The following BFSP2 variants were observed in gnomAD, a reference collection of about 807,000 sequenced individuals.
The protein encoded by BFSP2 is beaded filament structural protein 2.
A neutral mutation model predicts 44.9 loss-of-function variants in BFSP2; 38 were observed. The ratio of observed to expected loss-of-function variants is 0.85; its 90% confidence interval spans 0.65 to 1.11. The LOEUF (loss-of-function observed/expected upper bound fraction) is 1.11. Ranked by LOEUF, BFSP2 falls within the 50% of genes least tolerant of loss-of-function variation. The probability of loss-of-function intolerance (pLI) is 0.00; values close to 1 mark genes in which losing one functional copy is unlikely to be tolerated. For missense variants in BFSP2, 525 were observed against 533.0 expected (o/e 0.99, Z 0.15); for synonymous variants, 197 against 209.9 (o/e 0.94, Z 0.53).
intron 1 of BFSP2, among the ~76,000 whole-genome samples, chr3:133,406,899 A>T (rs2073409552): frequency 6.6e-6 from 1 of 152,234 alleles, no homozygotes; most frequent in African/African-American, 2.4e-5. Context: ...GTAGCACGTT[A>T]TAAAATAACA....
rs965473590 is a variant in BFSP2, at chr3:133,473,945, C to A, written c.1245-1024C>A. Among the ~76,000 whole-genome samples, 8 of 152,174 alleles carry A rather than the reference C, an allele frequency of 5.3e-5. No homozygotes were observed. In the East Asian group the frequency reaches 1.5e-3, roughly 29 times the overall value. ...CTTATATCTCATTGGCCAGAACCTG[C>A]TTATACTGGCCATACCCATCTGCAA... is the stretch of plus-strand genomic sequence containing the variant. On this transcript the variant is annotated intron_variant, in intron 6 of 6. Coordinates refer to ENST00000302334, the MANE Select transcript of BFSP2 (RefSeq NM_003571.4).
rs369100835 is a variant in BFSP2, at chr3:133,417,817, C to T, written c.489+17245C>T. 4.1e-5 allele frequency among the ~76,000 whole-genome samples: 6 copies of T among 145,430 alleles called. No individual in the cohort carries two copies. In the East Asian group the frequency reaches 1.1e-3, roughly 26 times the overall value. ...GACCCTATCCTCTCCATTTTACTCA[C>T]CCCTGCCCTCTCCTCTCTACTCACC... On this transcript the variant is annotated intron_variant, in intron 1 of 6. Transcript: ENST00000302334.
intron 5 of BFSP2, among the ~76,000 whole-genome samples, chr3:133,471,541 T>C (rs2074161693): frequency 1.3e-5 from 2 of 152,154 alleles, no homozygotes; most frequent in African/African-American, 2.4e-5. Context: ...TCTGAGTATA[T>C]GTTTCCAGTA....
At chr3:133,467,618 A>T (rs868166246) in intron 5 of BFSP2, among the ~76,000 whole-genome samples, 2 of 152,022 alleles carry the variant, frequency 1.3e-5, no homozygotes, top group African/African-American at 4.8e-5. Flanking sequence ...TTCATTATTA[A>T]TTATTTATTA....
At chr3:133,458,995 C>T (rs1005410307) in intron 4 of BFSP2, among the ~76,000 whole-genome samples, 13 of 152,174 alleles carry the variant, frequency 8.5e-5, no homozygotes, top group African/African-American at 2.9e-4. Context: ...CCTGACTGTG[C>T]TGATCTCAAA....
chr3:133,470,476 G>C (rs2074152103), intron 5 of BFSP2, among the ~76,000 whole-genome samples: 1 of 152,202 alleles, frequency 6.6e-6, no homozygotes, highest in Non-Finnish European at 1.5e-5. Context: ...AAAGCCAGAT[G>C]CTAAAGTATA....
At chr3:133,469,599 G>T (rs1335316082) in intron 5 of BFSP2, among the ~76,000 whole-genome samples, 3 of 152,226 alleles carry the variant, frequency 2.0e-5, no homozygotes, top group Admixed American at 6.5e-5. Flanking sequence ...GAGACCTGCA[G>T]AATAAGTGTG....
chr3:133,426,837 C>A (rs1338706130), intron 1 of BFSP2, among the ~76,000 whole-genome samples: 1 of 152,200 alleles, frequency 6.6e-6, no homozygotes, highest in East Asian at 1.9e-4. Context: ...TGGGCATGTG[C>A]CTCCAGCAAG....
intron 2 of BFSP2, among the ~76,000 whole-genome samples, chr3:133,447,944 C>T (rs2073918729): frequency 6.6e-6 from 1 of 152,188 alleles, no homozygotes; most frequent in South Asian, 2.1e-4. Flanking sequence ...TTTTAGAGCT[C>T]ACCAGGTGAC....
intron 4 of BFSP2, among the ~76,000 whole-genome samples, chr3:133,454,564 G>A (rs2073996058): frequency 6.6e-6 from 1 of 152,166 alleles, no homozygotes; most frequent in African/African-American, 2.4e-5. Flanking sequence ...TACTTCGGAT[G>A]AACTGGCTAT....
chr3:133,407,358 T>C, intron 1 of BFSP2, among the ~76,000 whole-genome samples: 1 of 152,194 alleles, frequency 6.6e-6, no homozygotes, highest in East Asian at 1.9e-4. Context: ...CAAATCTATC[T>C]GAAACACACA....
intron 1 of BFSP2, among the ~76,000 whole-genome samples, chr3:133,430,286 G>A (rs1381499461): frequency 1.3e-5 from 2 of 151,872 alleles, no homozygotes; most frequent in South Asian, 4.2e-4. Context: ...CGGGATGGCT[G>A]GGTCAAATGG....
intron 1 of BFSP2, among the ~76,000 whole-genome samples, chr3:133,427,039 A>G (rs889143548): frequency 2.6e-5 from 4 of 152,218 alleles, no homozygotes; most frequent in African/African-American, 9.6e-5. Context: ...TGGTGATTCA[A>G]GTGAGGAAGT....
At chr3:133,446,258 T>C (rs1245025194) in intron 1 of BFSP2, among the ~76,000 whole-genome samples, 1 of 151,600 alleles carries the variant, frequency 6.6e-6, no homozygotes, top group African/African-American at 2.4e-5. Flanking sequence ...CCATCTCTAT[T>C]AAAAATACAA....
At position 133,469,872 on chromosome 3, in the gene BFSP2, A is replaced by T. The variant is rs559863692; in HGVS notation, c.1024-2473A>T. ...GGCAGTGGGTCCTAAGTCACCATGGAAAAACCTCAGGCCACATGAAGAACT... is the reference window on the plus strand; with the variant it reads ...GGCAGTGGGTCCTAAGTCACCATGGTAAAACCTCAGGCCACATGAAGAACT... On this transcript the variant is annotated intron_variant, in intron 5 of 6. Coordinates refer to ENST00000302334, the MANE Select transcript of BFSP2 (RefSeq NM_003571.4). Among the ~76,000 whole-genome samples, 4 of 152,368 alleles carry T rather than the reference A, an allele frequency of 2.6e-5. No individual in the cohort carries two copies. In the South Asian group the frequency reaches 8.3e-4, roughly 32 times the overall value.
rs1433732708 is a variant in BFSP2 at position 133,400,586 on chromosome 3, C to G, written c.489+14C>G. On this transcript the variant is annotated intron_variant, in intron 1 of 6. Coordinates refer to ENST00000302334, the MANE Select transcript of BFSP2 (RefSeq NM_003571.4). The surrounding 1 kb of genome is among the most constrained non-coding windows in gnomAD (Gnocchi z 4.0). The stretch of plus-strand genomic sequence containing the variant: ...AGCTGCCAGCAGGTAAGTGTCCAGG[C>G]TGTGCCAAGGGCTTTGCAGAGGGCT... 6.3e-7 allele frequency: 1 copy of G among 1,584,088 alleles called. No homozygotes were observed. Among genetic ancestry groups the G allele is most frequent in the African/African-American group, 1.3e-5 (1 of 74,272 alleles).
chr3:133,451,910 T>C (rs1009139737), intron 4 of BFSP2, among the ~76,000 whole-genome samples: 17 of 152,112 alleles, frequency 1.1e-4, no homozygotes, highest in Admixed American at 6.6e-4. Flanking sequence ...AGACAGAGGA[T>C]GAAAAGTGAC....
At chr3:133,468,117 G>A (rs1210651137) in intron 5 of BFSP2, among the ~76,000 whole-genome samples, 1 of 152,172 alleles carries the variant, frequency 6.6e-6, no homozygotes, top group Non-Finnish European at 1.5e-5. Context: ...AACTTGCTAT[G>A]TTCCTAGAAC....
At chr3:133,470,385 G>C (rs769827563) in intron 5 of BFSP2, among the ~76,000 whole-genome samples, 2 of 152,212 alleles carry the variant, frequency 1.3e-5, no homozygotes, top group African/African-American at 2.4e-5. Context: ...CCTCCTGGAG[G>C]ACAGGGTACA....
Sources: gnomAD v4.1 joint callset for allele counts (sites outside exome capture counted in the v4.1 genomes callset) on GRCh38, gnomAD v4.1.1 for gene constraint, Gnocchi (gnomAD v3.1) non-coding constraint, MANE v1.5 for transcripts, NCBI Gene and HGNC (gene_info 2026-07-23, HGNC 2026-07-21) for gene names.